FSTL5: variants seen among roughly 807,000 people sequenced by gnomAD.
The protein encoded by FSTL5 is follistatin-related protein 5.
FSTL5 carries 62 observed loss-of-function variants against 89.1 expected under a neutral mutation model. The ratio of observed to expected loss-of-function variants is 0.70; its 90% CI spans 0.57 to 0.86. The LOEUF is 0.86. Ranked by LOEUF, FSTL5 falls within the 40% of genes least tolerant of loss-of-function variation. FSTL5 has a pLI of 0.00. For synonymous variants in FSTL5, 383 were observed against 346.2 expected (o/e 1.11, Z -1.18); for missense variants, 1,057 against 1,001.6 (o/e 1.06, Z -0.75).
At chr4:161,896,642 A>T (rs1733166330) in intron 4 of FSTL5, among the ~76,000 whole-genome samples, 1 of 152,212 alleles carries the variant, frequency 6.6e-6, no homozygotes, top group African/African-American at 2.4e-5. Context: ...TAACATAAGA[A>T]ATCTGTAATA....
chr4:161,726,906 A>G (rs1560811916), intron 6 of FSTL5, among the ~76,000 whole-genome samples: 1 of 83,890 alleles, frequency 1.2e-5, no homozygotes. Flanking sequence ...AAGAGCAAAA[A>G]AAAAAAATAT....
At position 161,854,092 on chromosome 4, in the gene FSTL5, A is replaced by G. The variant is rs192154242; in HGVS notation, c.409+66312T>C. On this transcript the variant is annotated intron_variant, in intron 4 of 15. Transcript: ENST00000306100. Reference sequence around the variant, plus strand: ...TATTGCTTTGTAGTAATAACTTTAAAGGCAAGTTTACTCTGGAACTCAAAG... The same window carrying G: ...TATTGCTTTGTAGTAATAACTTTAAGGGCAAGTTTACTCTGGAACTCAAAG... Among the ~76,000 whole-genome samples the G allele has an allele frequency of 2.6e-5, 4 of 152,302 alleles. No homozygotes were observed. In the East Asian group the frequency reaches 7.7e-4, roughly 29 times the overall value.
At chr4:161,777,108 C>A (rs6832196) in intron 4 of FSTL5, among the ~76,000 whole-genome samples, 31,512 of 151,432 alleles carry the variant, frequency 0.21, 5,989 homozygotes, top group African/African-American at 0.51. Flanking sequence ...CAGCTTCCAC[C>A]TTTGAGTGAG....
chr4:161,680,664 C>A (rs190288593), intron 6 of FSTL5, among the ~76,000 whole-genome samples: 36 of 150,374 alleles, frequency 2.4e-4, no homozygotes, highest in Non-Finnish European at 2.7e-4. Context: ...TTTTTTATTT[C>A]TATTACATAA....
intron 2 of FSTL5, among the ~76,000 whole-genome samples, chr4:162,096,899 T>C (rs2111371939): frequency 6.6e-6 from 1 of 152,060 alleles, no homozygotes; most frequent in South Asian, 2.1e-4. Context: ...ATATTAACAC[T>C]TGCCACCCAT....
At chr4:161,436,155 A>G (rs1193171253) in intron 15 of FSTL5, among the ~76,000 whole-genome samples, 3 of 152,142 alleles carry the variant, frequency 2.0e-5, no homozygotes, top group African/African-American at 4.8e-5. Flanking sequence ...GTAGTCACCA[A>G]TTCAGGCAGG....
intron 13 of FSTL5, 42 bp from the exon 14 acceptor site, chr4:161,459,361 T>A (rs1733479586): frequency 7.7e-7 from 1 of 1,306,424 alleles, no homozygotes; most frequent in East Asian, 2.3e-5. Context: ...TAGACTAAAC[T>A]ATTAGTTTAA....
At chr4:161,756,054 T>A (rs981472049) in intron 6 of FSTL5, among the ~76,000 whole-genome samples, 8 of 152,034 alleles carry the variant, frequency 5.3e-5, no homozygotes, top group African/African-American at 1.9e-4. Context: ...TGAGGGATCA[T>A]TATATAGCTT....
At chr4:161,729,083 C>T (rs1364696438) in intron 6 of FSTL5, among the ~76,000 whole-genome samples, 1 of 152,108 alleles carries the variant, frequency 6.6e-6, no homozygotes, top group Non-Finnish European at 1.5e-5. Context: ...GAGCCTGACT[C>T]TTACCTCTTG....
intron 12 of FSTL5, among the ~76,000 whole-genome samples, chr4:161,496,358 G>A (rs1730068924): frequency 6.6e-6 from 1 of 152,086 alleles, no homozygotes; most frequent in South Asian, 2.1e-4. Context: ...TCAAACACTC[G>A]TCTAGATTTT....
intron 6 of FSTL5, among the ~76,000 whole-genome samples, chr4:161,679,746 C>G (rs758445785): frequency 5.9e-5 from 9 of 151,772 alleles, no homozygotes; most frequent in Non-Finnish European, 1.2e-4. Context: ...CCAATATGAT[C>G]TCTTTCTTCA....
chr4:161,856,765 C>A (rs1446444229), intron 4 of FSTL5, among the ~76,000 whole-genome samples: 1 of 150,842 alleles, frequency 6.6e-6, no homozygotes, highest in Non-Finnish European at 1.5e-5. Flanking sequence ...GGAAATAAAA[C>A]CAAGAAGTCA....
chr4:161,628,504 T>C (rs938255322), intron 7 of FSTL5, among the ~76,000 whole-genome samples: 1 of 152,092 alleles, frequency 6.6e-6, no homozygotes, highest in African/African-American at 2.4e-5. Context: ...AATTAATATA[T>C]ATAACATAAT....
chr4:161,903,551 A>G (rs1400633087), intron 4 of FSTL5, among the ~76,000 whole-genome samples: 1 of 152,004 alleles, frequency 6.6e-6, no homozygotes, highest in South Asian at 2.1e-4. Flanking sequence ...AAACTATTAT[A>G]GTCTCACAAC....
chr4:161,844,902 G>T (rs1731319254), intron 4 of FSTL5, among the ~76,000 whole-genome samples: 1 of 151,904 alleles, frequency 6.6e-6, no homozygotes, highest in South Asian at 2.1e-4. Context: ...TGCAGGTTCT[G>T]CACATGTATC....
At chr4:161,406,064 G>A (rs1027299982) in intron 15 of FSTL5, among the ~76,000 whole-genome samples, 6 of 152,012 alleles carry the variant, frequency 3.9e-5, no homozygotes, top group Non-Finnish European at 1.5e-5. Flanking sequence ...AAAGACACTA[G>A]ATAGAATTTG....
At chr4:161,759,259 A>G (rs1291347394) in intron 6 of FSTL5, 152 bp downstream of exon 6, 2 of 609,100 alleles carry the variant, frequency 3.3e-6, no homozygotes, top group East Asian at 7.2e-5. Context: ...GCTTTTTCAT[A>G]TGTTTCAATA....
At chr4:161,423,380 C>T (rs1732053031) in intron 15 of FSTL5, among the ~76,000 whole-genome samples, 1 of 152,110 alleles carries the variant, frequency 6.6e-6, no homozygotes, top group African/African-American at 2.4e-5. Context: ...AAAGTAACAA[C>T]TGACTGAGTC....
intron 7 of FSTL5, among the ~76,000 whole-genome samples, chr4:161,602,420 G>GA (rs1469774294): frequency 6.6e-6 from 1 of 151,330 alleles, no homozygotes; most frequent in Non-Finnish European, 1.5e-5. Context: ...AAATTAGTAG[G>GA]AAAAAAATAG....
Sources: allele counts gnomAD v4.1 joint callset (sites outside exome capture counted in the v4.1 genomes callset), GRCh38; gene constraint gnomAD v4.1.1; transcripts MANE v1.5; gene names NCBI Gene and HGNC (gene_info 2026-07-23, HGNC 2026-07-21).